The following TEX19 variants were observed in gnomAD, a reference collection of about 807,000 sequenced individuals.
TEX19 encodes the protein testis-expressed protein 19.
For synonymous variants in TEX19, 77 were observed against 73.9 expected (o/e 1.04, Z -0.21); for missense variants, 184 against 194.4 (o/e 0.95, Z 0.32).
chr17:82,362,670 C>A lies in TEX19; in HGVS notation c.*25C>A. The A allele has an allele frequency of 6.6e-7, 1 of 1,522,310 alleles. No homozygotes were observed. Among genetic ancestry groups the A allele is most frequent in the Non-Finnish European group, 8.8e-7 (1 of 1,138,790 alleles). The allele number at this position is 1,522,310 out of a possible 1,614,324, so 94.3% of individuals were successfully genotyped here. ...GCAGGGGTTTCTCAAAGTGGACCTG[C>A]CCCCAGGGGAGCCCGTGGTGTTGAA... On this transcript the variant is annotated 3_prime_UTR_variant, in exon 2 of 2. Transcript: ENST00000333437. This position sits in a 1 kb window ranked among gnomAD's most constrained non-coding sequence, Gnocchi z 5.5.
Position 82,362,632 on chromosome 17 carries a change from T to C in TEX19, c.482T>C (p.Phe161Ser), listed in dbSNP as rs750280258. The change falls in exon 2 of 2, where the codon TTC becomes TCC. Residue 161 changes from phenylalanine (F) to serine (S), a missense_variant. Coordinates refer to ENST00000333437, the MANE Select transcript of TEX19 (RefSeq NM_207459.4). The surrounding 1 kb of genome is among the most constrained non-coding windows in gnomAD (Gnocchi z 5.5). ...ELLTCSHWPSFFPS is the reference protein window; with the variant it reads ...ELLTCSHWPSSFPS ...CTTACCTGCTCACACTGGCCAAGCT[T>C]CTTTCCTTCATAGCAGGGGTTTCTC... 1.2e-5 allele frequency: 18 copies of C among 1,546,636 alleles called. No homozygotes were observed. The highest frequency in any genetic ancestry group is 2.1e-5 in the Admixed American group (1 of 46,644).
At position 82,362,634 on chromosome 17, in the gene TEX19, T is replaced by C; in HGVS notation, c.484T>C (p.Phe162Leu). ...LLTCSHWPSF[F>L]PS The stretch of plus-strand genomic sequence containing the variant: ...TACCTGCTCACACTGGCCAAGCTTC[T>C]TTCCTTCATAGCAGGGGTTTCTCAA... Residue 162 changes from phenylalanine to leucine, a missense_variant, in exon 2 of 2, where the codon TTT (phenylalanine) becomes CTT (leucine). By Grantham distance (22) the Phe-to-Leu change is conservative. Coordinates refer to ENST00000333437, the MANE Select transcript of TEX19 (RefSeq NM_207459.4). This position sits in a 1 kb window ranked among gnomAD's most constrained non-coding sequence, Gnocchi z 5.5. 2 of 1,545,150 alleles carry C rather than the reference T, an allele frequency of 1.3e-6. No individual in the cohort carries two copies. Among genetic ancestry groups the C allele is most frequent in the African/African-American group, 1.4e-5 (1 of 72,376 alleles).
chr17:82,362,138 A>C lies in TEX19; in HGVS notation c.-13A>C. On this transcript the variant is annotated 5_prime_UTR_variant, in exon 2 of 2. Transcript: ENST00000333437. This position sits in a 1 kb window ranked among gnomAD's most constrained non-coding sequence, Gnocchi z 5.5. Reference sequence around the variant, plus strand: ...CTTGCTGTCCACCCCGGCAGTAGGCAGGCAGCCTGGCCATGTGCCCTCCGG... The same window carrying C: ...CTTGCTGTCCACCCCGGCAGTAGGCCGGCAGCCTGGCCATGTGCCCTCCGG... 6.3e-7 allele frequency: 1 copy of C among 1,589,764 alleles called. No individual in the cohort carries two copies. The highest frequency in any genetic ancestry group is 8.6e-7 in the Non-Finnish European group (1 of 1,168,676).
At position 82,362,139 on chromosome 17, in the gene TEX19, G is replaced by A; in HGVS notation, c.-12G>A. Reference sequence around the variant, plus strand: ...TTGCTGTCCACCCCGGCAGTAGGCAGGCAGCCTGGCCATGTGCCCTCCGGT... The same window carrying A: ...TTGCTGTCCACCCCGGCAGTAGGCAAGCAGCCTGGCCATGTGCCCTCCGGT... On this transcript the variant is annotated 5_prime_UTR_variant, in exon 2 of 2. Transcript: ENST00000333437. This position sits in a 1 kb window ranked among gnomAD's most constrained non-coding sequence, Gnocchi z 5.5. 1 of 1,590,174 alleles carries A rather than the reference G, an allele frequency of 6.3e-7. No homozygotes were observed. Among genetic ancestry groups the A allele is most frequent in the Non-Finnish European group, 8.6e-7 (1 of 1,168,834 alleles).
In TEX19 at chr17:82,362,501, C is replaced by G. The variant is rs147660319; in HGVS notation, c.351C>G (p.Pro117=). 6.2e-7 allele frequency: 1 copy of G among 1,612,928 alleles called. No homozygotes were observed. Among genetic ancestry groups the G allele is most frequent in the South Asian group, 1.1e-5 (1 of 91,076 alleles). Residue 117 remains proline (P), a synonymous_variant, in exon 2 of 2, where the codon CCC becomes CCG. Coordinates refer to ENST00000333437, the MANE Select transcript of TEX19 (RefSeq NM_207459.4). The surrounding 1 kb of genome is among the most constrained non-coding windows in gnomAD (Gnocchi z 5.5). ...PEGLEDAGLD[P]HFVPTELWPQ... is the part of the protein sequence containing the mutation. ...GGTTGGAAGATGCAGGTCTGGACCCCCACTTTGTCCCCACTGAACTATGGC... is the reference window on the plus strand; with the variant it reads ...GGTTGGAAGATGCAGGTCTGGACCCGCACTTTGTCCCCACTGAACTATGGC...
intron 1 of TEX19, among the ~76,000 whole-genome samples, chr17:82,361,260 G>T (rs1476691013): frequency 1.9e-4 from 1 of 5,284 alleles, no homozygotes; most frequent in Non-Finnish European, 2.9e-4. Context: ...TTTCCCTCAG[G>T]TTCCCCCAGT....
At chr17:82,360,964 C>T (rs2052384984) in intron 1 of TEX19, among the ~76,000 whole-genome samples, 4 of 133,912 alleles carry the variant, frequency 3.0e-5, no homozygotes, top group African/African-American at 8.9e-5. Flanking sequence ...CTCAGGTTCC[C>T]CCAGTTTCCC....
At position 82,362,400 on chromosome 17, in the gene TEX19, G is replaced by C. The variant is rs1286675254; in HGVS notation, c.250G>C (p.Gly84Arg). Reference protein sequence around the residue: ...EGSSGMELSWGQSPGQPVQGG... With the variant: ...EGSSGMELSWRQSPGQPVQGG... ...GTCCTCAGGGATGGAGCTGAGCTGG[G>C]GGCAGAGCCCAGGACAGCCTGTGCA... Residue 84 changes from glycine (G) to arginine (R), a missense_variant, in exon 2 of 2, where the codon GGG becomes CGG. Physicochemically the swap from Gly to Arg is moderately radical, Grantham distance 125. Coordinates refer to ENST00000333437, the MANE Select transcript of TEX19 (RefSeq NM_207459.4). The surrounding 1 kb of genome is among the most constrained non-coding windows in gnomAD (Gnocchi z 5.5). 2 of 1,613,114 alleles carry C rather than the reference G, an allele frequency of 1.2e-6. No individual in the cohort carries two copies. Among genetic ancestry groups the C allele is most frequent in the Non-Finnish European group, 1.7e-6 (2 of 1,180,024 alleles).
chr17:82,363,749 TAA>T lies in TEX19; in HGVS notation c.*1108_*1109del, dbSNP rs35707032. ...TTGCTCTATATGTTGTTTTTAATTT[TAA>T]AAAGTCATAAAAGCTTTCAAACAAG... On this transcript the variant is annotated 3_prime_UTR_variant, in exon 2 of 2. Coordinates refer to ENST00000333437, the MANE Select transcript of TEX19 (RefSeq NM_207459.4). The T allele has an allele frequency of 6.0e-6, 1 of 166,876 alleles. No individual in the cohort carries two copies. Among genetic ancestry groups the T allele is most frequent in the Admixed American group, 6.5e-5 (1 of 15,282 alleles). The allele number at this position is 166,876 out of a possible 1,614,324, so 10.3% of individuals were successfully genotyped here.
At chr17:82,360,992 T>A (rs71370221) in intron 1 of TEX19, among the ~76,000 whole-genome samples, 1 of 82,670 alleles carries the variant, frequency 1.2e-5, no homozygotes, top group Non-Finnish European at 2.4e-5. Context: ...CCCTCAGTTT[T>A]CCCCAGTTTC....
chr17:82,362,732 T>G lies in TEX19; in HGVS notation c.*87T>G, dbSNP rs2052406650. 2 of 1,469,796 alleles carry G rather than the reference T, an allele frequency of 1.4e-6. No homozygotes were observed. The allele number at this position is 1,469,796 out of a possible 1,614,324, so 91.0% of individuals were successfully genotyped here. ...CCTGGGCAGTGGACCCTGCCGAGGC[T>G]GAGGCCTAGTTACTGGCCCTGCAGC... On this transcript the variant is annotated 3_prime_UTR_variant, in exon 2 of 2. Transcript: ENST00000333437. This position sits in a 1 kb window ranked among gnomAD's most constrained non-coding sequence, Gnocchi z 5.5.
At chr17:82,361,486 T>C in intron 1 of TEX19, among the ~76,000 whole-genome samples, 1 of 135,944 alleles carries the variant, frequency 7.4e-6, no homozygotes, top group African/African-American at 2.9e-5. Flanking sequence ...CCAGTTTCTC[T>C]CAGGTTCCCC....
chr17:82,362,121 C>T lies in TEX19; in HGVS notation c.-30C>T, dbSNP rs747954914. 1 of 1,574,892 alleles carries T rather than the reference C, an allele frequency of 6.3e-7. No homozygotes were observed. The highest frequency in any genetic ancestry group is 1.7e-5 in the Admixed American group (1 of 57,898). On this transcript the variant is annotated 5_prime_UTR_variant, in exon 2 of 2. Coordinates refer to ENST00000333437, the MANE Select transcript of TEX19 (RefSeq NM_207459.4). The surrounding 1 kb of genome is among the most constrained non-coding windows in gnomAD (Gnocchi z 5.5). The stretch of plus-strand genomic sequence containing the variant: ...CCTCTGAAGGCCCAGCTCTTGCTGT[C>T]CACCCCGGCAGTAGGCAGGCAGCCT...
Position 82,362,781 on chromosome 17 carries a change from G to GATACC in TEX19, c.*139_*143dup, listed in dbSNP as rs2052406987. ...GCTTGTCTCCATGGTGGGCTGCTAT[G>GATACC]ATACCATCTACCTACAGAAGATGAC... On this transcript the variant is annotated 3_prime_UTR_variant, in exon 2 of 2. Coordinates refer to ENST00000333437, the MANE Select transcript of TEX19 (RefSeq NM_207459.4). The surrounding 1 kb of genome is among the most constrained non-coding windows in gnomAD (Gnocchi z 5.5). 6.2e-6 allele frequency: 7 copies of GATACC among 1,127,174 alleles called. No homozygotes were observed. Among genetic ancestry groups the GATACC allele is most frequent in the Non-Finnish European group, 6.1e-6 (5 of 813,738 alleles). The allele number at this position is 1,127,174 out of a possible 1,614,324, so 69.8% of individuals were successfully genotyped here.
chr17:82,359,971 C>T (rs1336058805), intron 1 of TEX19, among the ~76,000 whole-genome samples: 1 of 133,718 alleles, frequency 7.5e-6, no homozygotes, highest in Non-Finnish European at 1.6e-5. Context: ...CCCTCAGGTT[C>T]CCTCAGTTTC....
In TEX19 at chr17:82,363,616, A is replaced by T. The variant is rs1189515331; in HGVS notation, c.*971A>T. 1 of 167,090 alleles carries T rather than the reference A, an allele frequency of 6.0e-6. No homozygotes were observed. The highest frequency in any genetic ancestry group is 2.4e-5 in the African/African-American group (1 of 41,460). 10.4% of individuals were successfully genotyped at this position (167,090 alleles called of 1,614,324 possible). A position where few individuals can be genotyped will look rare whatever the true frequency, so the allele number is the denominator to read the frequency against. On this transcript the variant is annotated 3_prime_UTR_variant, in exon 2 of 2. Transcript: ENST00000333437. The stretch of plus-strand genomic sequence containing the variant: ...TTCTCGACTTTGCCAGGACAATCTC[A>T]GGGGTGCCACAAGACCCTGTCAGCA...
rs1440444856 is a variant in TEX19, at chr17:82,362,174, G to T, written c.24G>T (p.Arg8=). 6.2e-7 allele frequency: 1 copy of T among 1,611,842 alleles called. No individual in the cohort carries two copies. The highest frequency in any genetic ancestry group is 8.5e-7 in the Non-Finnish European group (1 of 1,179,354). Residue 8 remains arginine (R), a synonymous_variant, in exon 2 of 2, where the codon CGG becomes CGT. Coordinates refer to ENST00000333437, the MANE Select transcript of TEX19 (RefSeq NM_207459.4). The surrounding 1 kb of genome is among the most constrained non-coding windows in gnomAD (Gnocchi z 5.5). MCPPVSM[R]YEEEGMSYLY... ...CCATGTGCCCTCCGGTCAGCATGCG[G>T]TATGAGGAAGAGGGCATGTCCTACC...
chr17:82,359,779 C>T (rs1308876293), intron 1 of TEX19, among the ~76,000 whole-genome samples: 3 of 130,368 alleles, frequency 2.3e-5, no homozygotes, highest in African/African-American at 9.1e-5. Flanking sequence ...CTCAGGTTCC[C>T]TCAGTTTCCC....
At position 82,362,042 on chromosome 17, in the gene TEX19, C is replaced by T. The variant is rs576309432; in HGVS notation, c.-109C>T. ...CCTCCTGCTCCTTGTCCCCTTCATCCCTGCCGCCCAGCATCCTACTGGCCT... is the reference window on the plus strand; with the variant it reads ...CCTCCTGCTCCTTGTCCCCTTCATCTCTGCCGCCCAGCATCCTACTGGCCT... On this transcript the variant is annotated 5_prime_UTR_variant, in exon 2 of 2. Transcript: ENST00000333437. The surrounding 1 kb of genome is among the most constrained non-coding windows in gnomAD (Gnocchi z 5.5). 3 of 1,415,674 alleles carry T rather than the reference C, an allele frequency of 2.1e-6. No homozygotes were observed. Among genetic ancestry groups the T allele is most frequent in the East Asian group, 4.6e-5 (2 of 43,740 alleles). The allele number at this position is 1,415,674 out of a possible 1,614,324, so 87.7% of individuals were successfully genotyped here. A position where few individuals can be genotyped will look rare whatever the true frequency, so the allele number is the denominator to read the frequency against.
Sources: gnomAD v4.1 joint callset for allele counts (sites outside exome capture counted in the v4.1 genomes callset) on GRCh38, gnomAD v4.1.1 for gene constraint, Gnocchi (gnomAD v3.1) non-coding constraint, MANE v1.5 for transcripts, NCBI Gene and HGNC (gene_info 2026-07-23, HGNC 2026-07-21) for gene names.